Variants in TAFA1 observed in about 807,000 individuals in gnomAD.
TAFA1 encodes the protein TAFA chemokine like family member 1, also known as chemokine-like protein TAFA-1.
In TAFA1, 4 loss-of-function variants were observed where a neutral mutation model predicts 18.5. That is an observed-to-expected ratio of 0.22 (90% CI 0.11 to 0.49). The LOEUF (loss-of-function observed/expected upper bound fraction) is 0.49, where lower values mean the gene tolerates loss of function less well. Among genes scored for constraint, TAFA1 ranks in the 20% least tolerant of loss-of-function variants. TAFA1 has a pLI of 0.98. For synonymous variants in TAFA1, 56 were observed against 55.2 expected, an observed-to-expected ratio of 1.01 and a Z score of -0.06; for missense variants, 147 against 169.0, an observed-to-expected ratio of 0.87 and a Z score of 0.72.
chr3:68,312,079 G>T (rs2068530611), intron 2 of TAFA1, among the ~76,000 whole-genome samples: 1 of 152,214 alleles, frequency 6.6e-6, no homozygotes, highest in Non-Finnish European at 1.5e-5. Flanking sequence ...GCCATGACCT[G>T]AGTTCTACGT....
At chr3:68,540,709 A>G (rs1470029917) in intron 4 of TAFA1, among the ~76,000 whole-genome samples, 1 of 152,212 alleles carries the variant, frequency 6.6e-6, no homozygotes, top group African/African-American at 2.4e-5. Flanking sequence ...AAAATAATTC[A>G]AGTCAGGATT....
intron 2 of TAFA1, among the ~76,000 whole-genome samples, chr3:68,209,318 T>C (rs1032251084): frequency 6.6e-6 from 1 of 152,020 alleles, no homozygotes; most frequent in African/African-American, 2.4e-5. Flanking sequence ...AGATCTGTGG[T>C]GATTTTTAAA....
At chr3:68,185,863 G>T (rs1433025520) in intron 2 of TAFA1, among the ~76,000 whole-genome samples, 1 of 152,004 alleles carries the variant, frequency 6.6e-6, no homozygotes, top group Non-Finnish European at 1.5e-5. Flanking sequence ...AGTGAACCAT[G>T]ATTGCACTTC....
intron 2 of TAFA1, among the ~76,000 whole-genome samples, chr3:68,102,270 GAAAGTTCTA>G (rs1200811343): frequency 6.6e-6 from 1 of 152,094 alleles, no homozygotes; most frequent in Non-Finnish European, 1.5e-5. Flanking sequence ...CTCCTACTAT[GAAAGTTCTA>G]AAACCTCTGT....
At chr3:68,290,408 T>A (rs545269409) in intron 2 of TAFA1, among the ~76,000 whole-genome samples, 1 of 152,258 alleles carries the variant, frequency 6.6e-6, no homozygotes, top group East Asian at 1.9e-4. Context: ...TTTCTGTAAT[T>A]TTATATGAGT....
At chr3:68,210,053 G>C (rs188006375) in intron 2 of TAFA1, among the ~76,000 whole-genome samples, 1 of 151,862 alleles carries the variant, frequency 6.6e-6, no homozygotes, top group Non-Finnish European at 1.5e-5. Context: ...TAATGAGCTT[G>C]TGTTTGAGAG....
chr3:68,466,795 C>T (rs1457350168), intron 3 of TAFA1, among the ~76,000 whole-genome samples: 2 of 152,172 alleles, frequency 1.3e-5, no homozygotes, highest in Non-Finnish European at 2.9e-5. Flanking sequence ...AACGTAGGTT[C>T]TTTTCTATTT....
chr3:68,202,619 A>C (rs755705150), intron 2 of TAFA1, among the ~76,000 whole-genome samples: 2 of 151,764 alleles, frequency 1.3e-5, no homozygotes, highest in Non-Finnish European at 2.9e-5. Flanking sequence ...ACAATTAATC[A>C]AGCCAAATTT....
chr3:68,082,218 C>A (rs2064912768), intron 2 of TAFA1, among the ~76,000 whole-genome samples: 2 of 152,174 alleles, frequency 1.3e-5, no homozygotes, highest in South Asian at 2.1e-4. Context: ...CTGTCTGGCA[C>A]TCCCTAGTGA....
chr3:68,513,310 CACTGTCCAATAGT>C (rs1413262005), intron 3 of TAFA1, among the ~76,000 whole-genome samples: 2 of 152,110 alleles, frequency 1.3e-5, no homozygotes, highest in African/African-American at 4.8e-5. Context: ...GATCGATCAC[CACTGTCCAATAGT>C]ACTTTCTGTA....
intron 2 of TAFA1, among the ~76,000 whole-genome samples, chr3:68,224,767 A>G (rs989852818): frequency 6.6e-6 from 1 of 152,082 alleles, no homozygotes; most frequent in Non-Finnish European, 1.5e-5. Flanking sequence ...TTTAGCTCAT[A>G]TAAATAGTCA....
chr3:68,019,001 T>C (rs1704625259), intron 2 of TAFA1, among the ~76,000 whole-genome samples: 2 of 152,196 alleles, frequency 1.3e-5, no homozygotes, highest in African/African-American at 2.4e-5. Context: ...ATGTGCTTAA[T>C]AAGTATAAAC....
chr3:68,196,559 AGCCCCAGAGTATT>A (rs1439807090), intron 2 of TAFA1, among the ~76,000 whole-genome samples: 1 of 151,792 alleles, frequency 6.6e-6, no homozygotes, highest in Non-Finnish European at 1.5e-5. Flanking sequence ...ATATTTTCAA[AGCCCCAGAGTATT>A]GCATATAGGG....
At chr3:68,234,987 C>A (rs557540758) in intron 2 of TAFA1, among the ~76,000 whole-genome samples, 1 of 152,088 alleles carries the variant, frequency 6.6e-6, no homozygotes, top group Admixed American at 6.5e-5. Flanking sequence ...CTGTAATAAA[C>A]GCTTGACTCA....
intron 2 of TAFA1, among the ~76,000 whole-genome samples, chr3:68,342,787 G>A (rs2069105920): frequency 6.6e-6 from 1 of 152,134 alleles, no homozygotes; most frequent in East Asian, 1.9e-4. Flanking sequence ...CATCCCTTGT[G>A]CTTAGCGAGT....
intron 2 of TAFA1, among the ~76,000 whole-genome samples, chr3:68,160,432 A>G (rs893903004): frequency 1.3e-5 from 2 of 152,156 alleles, no homozygotes; most frequent in Non-Finnish European, 2.9e-5. Context: ...TAGTGTGCCA[A>G]CTCTTATAGT....
intron 2 of TAFA1, among the ~76,000 whole-genome samples, chr3:68,295,222 A>AT (rs1331215658): frequency 6.6e-6 from 1 of 152,160 alleles, no homozygotes; most frequent in Non-Finnish European, 1.5e-5. Flanking sequence ...TTATTTAGGG[A>AT]TTTTGAATCA....
intron 2 of TAFA1, among the ~76,000 whole-genome samples, chr3:68,199,010 A>G (rs757729993): frequency 3.4e-4 from 52 of 151,522 alleles, no homozygotes; most frequent in Non-Finnish European, 5.0e-4. Context: ...TGCATTTTGC[A>G]TTTAGGTCTG....
intron 2 of TAFA1, among the ~76,000 whole-genome samples, chr3:68,356,900 A>G (rs1284006530): frequency 6.6e-6 from 1 of 151,962 alleles, no homozygotes; most frequent in Non-Finnish European, 1.5e-5. Context: ...TTGCTTAACA[A>G]TTCCTACCCA....
Sources: allele counts gnomAD v4.1 joint callset (sites outside exome capture counted in the v4.1 genomes callset), GRCh38; gene constraint gnomAD v4.1.1; transcripts MANE v1.5; gene names NCBI Gene and HGNC (gene_info 2026-07-23, HGNC 2026-07-21).